PER1: variants seen among roughly 807,000 people sequenced by gnomAD.
PER1 encodes the protein period circadian protein homolog 1.
PER1 carries 87 observed loss-of-function variants against 125.9 expected under a neutral mutation model. That is an observed-to-expected ratio of 0.69 (90% CI 0.58 to 0.83). The LOEUF (loss-of-function observed/expected upper bound fraction) is 0.83, where lower values mean the gene tolerates loss of function less well. PER1 is among the 40% of genes least tolerant of loss of function. PER1 has a pLI of 0.00. For synonymous variants in PER1, 801 were observed against 714.7 expected (o/e 1.12, Z -1.93); for missense variants, 1,775 against 1,722.8 (o/e 1.03, Z -0.54).
intron 22 of PER1, 143 bp downstream of exon 22, chr17:8,141,662 T>G (rs560631344): frequency 8.8e-7 from 1 of 1,136,258 alleles, no homozygotes; most frequent in South Asian, 1.5e-5. Context: ...TCCAAGGACA[T>G]CAAGGAGATC....
Position 8,146,739 on chromosome 17 carries a change from G to C in PER1, c.1762C>G (p.Leu588Val). ...PATGTFKAKALPCQSPDPELE... is the reference protein window; with the variant it reads ...PATGTFKAKAVPCQSPDPELE... ...TCTGGGTCTGGGGATTGGCAGGGAA[G>C]GGCCTTGGCCTTGAACGTGCCTGTA... Residue 588 changes from leucine (L) to valine (V), a missense_variant, in exon 15 of 23, where the codon CTT (leucine) becomes GTT (valine). Coordinates refer to ENST00000317276, the MANE Select transcript of PER1 (RefSeq NM_002616.3). The C allele has an allele frequency of 6.2e-7, 1 of 1,613,760 alleles. No homozygotes were observed. The highest frequency in any genetic ancestry group is 8.5e-7 in the Non-Finnish European group (1 of 1,179,894).
Position 8,150,145 on chromosome 17 carries a change from G to T in PER1, c.375-20C>A. On this transcript the variant is annotated intron_variant, in intron 3 of 22. Coordinates refer to ENST00000317276, the MANE Select transcript of PER1 (RefSeq NM_002616.3). ...TCACTGCTGCGGGGCCCACAGGGAAGAAAGAGATAAAGACATTAGTCCCAG... is the reference window on the plus strand; with the variant it reads ...TCACTGCTGCGGGGCCCACAGGGAATAAAGAGATAAAGACATTAGTCCCAG... The T allele has an allele frequency of 6.2e-7, 1 of 1,612,984 alleles. No individual in the cohort carries two copies.
intron 17 of PER1, 186 bp from the exon 18 acceptor site, chr17:8,145,179 T>G (rs1447150632): frequency 2.1e-6 from 1 of 475,520 alleles, no homozygotes; most frequent in African/African-American, 2.0e-5. Flanking sequence ...CTCCTCTCCA[T>G]GCAAAGCTGG....
At position 8,147,982 on chromosome 17, in the gene PER1, G is replaced by A. The variant is rs768997972; in HGVS notation, c.1234+15C>T. On this transcript the variant is annotated intron_variant, in intron 10 of 22. Coordinates refer to ENST00000317276, the MANE Select transcript of PER1 (RefSeq NM_002616.3). ...CAGGACAGTGGGAAGGGCGAGCAGG[G>A]CGAGAGGAACTCACTCTTCTTGTGG... 1 of 1,605,472 alleles carries A rather than the reference G, an allele frequency of 6.2e-7. No individual in the cohort carries two copies. The highest frequency in any genetic ancestry group is 1.7e-5 in the Admixed American group (1 of 58,978).
rs748844410 is a variant in PER1 at position 8,141,084 on chromosome 17, C to A, written c.3857G>T (p.Gly1286Val). 5.0e-6 allele frequency: 8 copies of A among 1,613,234 alleles called. No individual in the cohort carries two copies. The highest frequency in any genetic ancestry group is 6.8e-6 in the Non-Finnish European group (8 of 1,179,356). ...SSSSPALPTA[G>V]NCTS ...GAATGGAGTCTAGCTGGTGCAGTTT[C>A]CTGCTGTAGGTAAGGCTGGACTGGA... Residue 1286 changes from glycine to valine, a missense_variant, in exon 23 of 23, where the codon GGA (glycine) becomes GTA (valine). Gly to Val is a moderately radical substitution (Grantham distance 109). Transcript: ENST00000317276.
At position 8,143,444 on chromosome 17, in the gene PER1, G is replaced by C. The variant is rs770226438; in HGVS notation, c.2894C>G (p.Pro965Arg). Residue 965 changes from proline to arginine, a missense_variant, in exon 19 of 23, where the codon CCT becomes CGT. Physicochemically the swap from Pro to Arg is moderately radical, Grantham distance 103 (BLOSUM62 -2). Coordinates refer to ENST00000317276, the MANE Select transcript of PER1 (RefSeq NM_002616.3). ...CAGTGGAGAGTCCGGGCGGTGAGGA[G>C]GACTCGGGGCGAGGGCGGGCAAGGA... is the stretch of plus-strand genomic sequence containing the variant. Reference protein sequence around the residue: ...SPSLPALAPSPPHRPDSPLFN... With the variant: ...SPSLPALAPSRPHRPDSPLFN... 2.7e-5 allele frequency: 44 copies of C among 1,609,608 alleles called. No homozygotes were observed. Among genetic ancestry groups the C allele is most frequent in the Middle Eastern group, 1.6e-4 (1 of 6,066 alleles).
Position 8,144,945 on chromosome 17 carries a change from G to A in PER1, c.2267C>T (p.Pro756Leu). Residue 756 changes from proline to leucine, a missense_variant, in exon 18 of 23, where the codon CCC (proline) becomes CTC (leucine). Pro to Leu is a moderately conservative substitution (Grantham distance 98). Coordinates refer to ENST00000317276, the MANE Select transcript of PER1 (RefSeq NM_002616.3). ...TACTGTGGGGCTGGGGGCTGGGCTGGGGGCTGGGCCTGGGGCTAGGCCAGG... is the reference window on the plus strand; with the variant it reads ...TACTGTGGGGCTGGGGGCTGGGCTGAGGGCTGGGCCTGGGGCTAGGCCAGG... ...DLPGLAPGPAPSPAPSPTVAP... is the reference protein window; with the variant it reads ...DLPGLAPGPALSPAPSPTVAP... 1 of 1,516,850 alleles carries A rather than the reference G, an allele frequency of 6.6e-7. No homozygotes were observed. 94.0% of individuals were successfully genotyped at this position (1,516,850 alleles called of 1,614,324 possible).
In PER1 at chr17:8,147,485, G is replaced by T; in HGVS notation, c.1482C>A (p.His494Gln). The stretch of plus-strand genomic sequence containing the variant: ...CTACTCTCACCTGCAGCAGCAGCCG[G>T]TGGATCTGCTCTGACAGCTCCTGGA... Reference protein sequence around the residue: ...TDIQELSEQIHRLLLQPVHSP... With the variant: ...TDIQELSEQIQRLLLQPVHSP... Residue 494 changes from histidine (H) to glutamine (Q), a missense_variant, in exon 12 of 23, where the codon CAC becomes CAA. Physicochemically the swap from His to Gln is conservative, Grantham distance 24. Coordinates refer to ENST00000317276, the MANE Select transcript of PER1 (RefSeq NM_002616.3). The T allele has an allele frequency of 6.2e-7, 1 of 1,613,858 alleles. No individual in the cohort carries two copies. The highest frequency in any genetic ancestry group is 8.5e-7 in the Non-Finnish European group (1 of 1,179,860).
rs546141734 is a variant in PER1 at position 8,146,228 on chromosome 17, T to G, written c.2039-91A>C. On this transcript the variant is annotated intron_variant, in intron 16 of 22. Coordinates refer to ENST00000317276, the MANE Select transcript of PER1 (RefSeq NM_002616.3). ...AGGGAAAAGGGGAAGGGGATGGTGG[T>G]AGGGAACAGAGGGAACAGTCTGGAG... 2.6e-6 allele frequency: 4 copies of G among 1,529,432 alleles called. No homozygotes were observed. In the Admixed American group the frequency reaches 7.9e-5, roughly 30 times the overall value. The allele number at this position is 1,529,432 out of a possible 1,614,324, so 94.7% of individuals were successfully genotyped here. A position where few individuals can be genotyped will look rare whatever the true frequency, so the allele number is the denominator to read the frequency against.
Position 8,145,007 on chromosome 17 carries a change from G to A in PER1, c.2219-14C>T, listed in dbSNP as rs370705050. 1.9e-5 allele frequency: 28 copies of A among 1,457,520 alleles called. No homozygotes were observed. The highest frequency in any genetic ancestry group is 2.4e-5 in the Non-Finnish European group (27 of 1,102,440). The allele number at this position is 1,457,520 out of a possible 1,614,324, so 90.3% of individuals were successfully genotyped here. On this transcript the variant is annotated splice_polypyrimidine_tract_variant and intron_variant, in intron 17 of 22. Coordinates refer to ENST00000317276, the MANE Select transcript of PER1 (RefSeq NM_002616.3). ...TCATGATGATGTCTGAGGAGAGTGA[G>A]ATAGGGAAAGGTCATCAGAACCACT...
At chr17:8,150,399 A>G in intron 2 of PER1, 33 bp downstream of exon 2, 2 of 1,575,936 alleles carry the variant, frequency 1.3e-6, no homozygotes, top group Non-Finnish European at 1.7e-6. Context: ...TCACAAGACC[A>G]TTCCTAGACC....
At chr17:8,151,525 C>G (rs757274467) in intron 1 of PER1, among the ~76,000 whole-genome samples, 1 of 152,150 alleles carries the variant, frequency 6.6e-6, no homozygotes, top group Non-Finnish European at 1.5e-5. Flanking sequence ...CTATTAGGAT[C>G]CCAGGGTTGG....
chr17:8,151,357 G>C (rs1241262042), intron 1 of PER1, among the ~76,000 whole-genome samples: 2 of 152,228 alleles, frequency 1.3e-5, no homozygotes, highest in Non-Finnish European at 2.9e-5. Context: ...TTGCTGGAGG[G>C]ACCACAGGAG....
At chr17:8,148,304 C>T (rs1185614826) in intron 8 of PER1, 45 bp from the exon 9 acceptor site, 2 of 1,507,292 alleles carry the variant, frequency 1.3e-6, no homozygotes, top group South Asian at 2.3e-5. Flanking sequence ...CCAGAATGCC[C>T]AACTCCTCAG....
intron 18 of PER1, chr17:8,144,537 C>T: frequency 1.7e-6 from 1 of 573,286 alleles, no homozygotes; most frequent in East Asian, 3.2e-5. Flanking sequence ...CATCCCAGTG[C>T]CATCCCCCCA....
In PER1 at chr17:8,147,268, C is replaced by T. The variant is rs780199364; in HGVS notation, c.1611G>A (p.Gly537=). 2 of 1,610,912 alleles carry T rather than the reference C, an allele frequency of 1.2e-6. No individual in the cohort carries two copies. The highest frequency in any genetic ancestry group is 8.5e-7 in the Non-Finnish European group (1 of 1,178,712). The change falls in exon 13 of 23, where the codon GGG becomes GGA. Residue 537 remains glycine (G), a synonymous_variant. Transcript: ENST00000317276. ...CACTCACTGGCGCAGGAGGCCCAGG[C>T]CCCTCTGCATCACCCCCGTTGCTAT... ...SSDSNGGDAE[G]PGPPAPVTFQ... is the part of the protein sequence containing the mutation.
intron 5 of PER1, 28 bp downstream of exon 5, chr17:8,149,727 G>C (rs753232913): frequency 1.2e-6 from 2 of 1,612,668 alleles, no homozygotes; most frequent in South Asian, 2.2e-5. Flanking sequence ...GGGGTGCGTC[G>C]GGATGCAGAG....
At position 8,140,907 on chromosome 17, in the gene PER1, G is replaced by A; in HGVS notation, c.*161C>T. 1.3e-6 allele frequency: 1 copy of A among 779,722 alleles called. No individual in the cohort carries two copies. Among genetic ancestry groups the A allele is most frequent in the Non-Finnish European group, 2.1e-6 (1 of 485,576 alleles). 48.3% of individuals were successfully genotyped at this position (779,722 alleles called of 1,614,324 possible). A position where few individuals can be genotyped will look rare whatever the true frequency, so the allele number is the denominator to read the frequency against. Reference sequence around the variant, plus strand: ...TCTGCTCCCTAAGAGGCCAGAGGCAGCCCCTGGATCCTAGGCTGGTGATGG... The same window carrying A: ...TCTGCTCCCTAAGAGGCCAGAGGCAACCCCTGGATCCTAGGCTGGTGATGG... On this transcript the variant is annotated 3_prime_UTR_variant, in exon 23 of 23. Coordinates refer to ENST00000317276, the MANE Select transcript of PER1 (RefSeq NM_002616.3).
intron 18 of PER1, chr17:8,144,533 A>G (rs950136672): frequency 3.5e-6 from 2 of 564,738 alleles, no homozygotes; most frequent in East Asian, 6.5e-5. Flanking sequence ...TGCCCATCCC[A>G]GTGCCATCCC....
Sources: allele counts gnomAD v4.1 joint callset (sites outside exome capture counted in the v4.1 genomes callset), GRCh38; gene constraint gnomAD v4.1.1; transcripts MANE v1.5; gene names NCBI Gene and HGNC (gene_info 2026-07-23, HGNC 2026-07-21).